Variants in PDE1B observed in about 807,000 individuals in gnomAD.
PDE1B encodes phosphodiesterase 1B.
PDE1B carries 13 observed loss-of-function variants against 66.7 expected under a neutral mutation model. The observed-to-expected ratio is 0.19, with a 90% CI of 0.13 to 0.31. PDE1B has a LOEUF of 0.31. Ranked by LOEUF, PDE1B falls within the 10% of genes least tolerant of loss-of-function variation. The probability of loss-of-function intolerance (pLI) is 1.00; values close to 1 mark genes in which losing one functional copy is unlikely to be tolerated. For synonymous variants in PDE1B, 230 were observed against 253.9 expected (o/e 0.91, Z 0.90); for missense variants, 485 against 682.3 (o/e 0.71, Z 3.22).
intron 2 of PDE1B, among the ~76,000 whole-genome samples, chr12:54,551,126 G>A (rs1277881292): frequency 1.3e-5 from 2 of 152,230 alleles, no homozygotes; most frequent in African/African-American, 4.8e-5. Context: ...GAGCACCGAA[G>A]CTTTCTATTT....
rs1555175896 is a variant in PDE1B at position 54,573,870 on chromosome 12, AGT to A, written c.1064+202_1064+203del. On this transcript the variant is annotated intron_variant, in intron 10 of 15. Coordinates refer to ENST00000243052, the MANE Select transcript of PDE1B (RefSeq NM_000924.4). This position sits in a 1 kb window ranked among gnomAD's most constrained non-coding sequence, Gnocchi z 5.2. ...GCATCTCTATGTGAGAGAGAGAGAG[AGT>A]GTGTGTGTGTGTGTGTGTGTGTGTG... The A allele has an allele frequency of 0.23, 107,025 of 471,484 alleles. 6,079 individuals are homozygous for A. Among genetic ancestry groups the A allele is most frequent in the Middle Eastern group, 0.25 (432 of 1,758 alleles). The allele number at this position is 471,484 out of a possible 1,614,324, so 29.2% of individuals were successfully genotyped here.
chr12:54,574,355 C>T (rs1336489253), intron 10 of PDE1B: 2 of 153,420 alleles, frequency 1.3e-5, no homozygotes, highest in Non-Finnish European at 1.4e-5. Context: ...TATTACTATT[C>T]TAGATAATAT....
rs1957558581 is a variant in PDE1B at position 54,568,574 on chromosome 12, G to A, written c.228-610G>A. On this transcript the variant is annotated intron_variant, in intron 3 of 15. Coordinates refer to ENST00000243052, the MANE Select transcript of PDE1B (RefSeq NM_000924.4). ...AAAATAAAATTTATTGCCGGGCACG[G>A]TGGCTCACGCCTATAATCCCAGCAC... 2.0e-5 allele frequency among the ~76,000 whole-genome samples: 3 copies of A among 151,402 alleles called. No individual in the cohort carries two copies. The South Asian group carries it at 6.3e-4, about 32-fold the overall frequency.
chr12:54,575,937 C>A lies in PDE1B; in HGVS notation c.1268-55C>A. ...CTGGCCATGCCAGCTGCATGCTCTG[C>A]CTAGCCCTCCAGATAATAGTAAGAC... On this transcript the variant is annotated intron_variant, in intron 12 of 15. Coordinates refer to ENST00000243052, the MANE Select transcript of PDE1B (RefSeq NM_000924.4). The surrounding 1 kb of genome is among the most constrained non-coding windows in gnomAD (Gnocchi z 4.0). The A allele has an allele frequency of 1.6e-6, 2 of 1,281,482 alleles. No homozygotes were observed. The highest frequency in any genetic ancestry group is 2.3e-6 in the Non-Finnish European group (2 of 877,848). 79.4% of individuals were successfully genotyped at this position (1,281,482 alleles called of 1,614,324 possible). A position where few individuals can be genotyped will look rare whatever the true frequency, so the allele number is the denominator to read the frequency against.
chr12:54,551,191 G>A (rs942276404), intron 2 of PDE1B, among the ~76,000 whole-genome samples: 17 of 152,234 alleles, frequency 1.1e-4, no homozygotes, highest in South Asian at 4.1e-4. Flanking sequence ...TGCTTATGTT[G>A]TATTGTTCTT....
intron 2 of PDE1B, among the ~76,000 whole-genome samples, chr12:54,553,580 T>A (rs1044788132): frequency 1.3e-5 from 2 of 152,174 alleles, no homozygotes; most frequent in African/African-American, 4.8e-5. Flanking sequence ...TGCTGTTAAA[T>A]AAAGGAATGA....
intron 2 of PDE1B, among the ~76,000 whole-genome samples, chr12:54,566,574 T>C (rs1957519886): frequency 6.6e-6 from 1 of 152,160 alleles, no homozygotes; most frequent in African/African-American, 2.4e-5. Flanking sequence ...ATGGGGGAAA[T>C]AAGCAGTTTC....
Position 54,567,099 on chromosome 12 carries a change from C to A in PDE1B, c.227+12C>A. On this transcript the variant is annotated intron_variant, in intron 3 of 15. Coordinates refer to ENST00000243052, the MANE Select transcript of PDE1B (RefSeq NM_000924.4). ...ATAGATGAGACACGGTGAGAGAGAC[C>A]GACAGACAGAGAAGGAGAAAGATGT... The A allele has an allele frequency of 7.4e-7, 1 of 1,351,008 alleles. No individual in the cohort carries two copies. Among genetic ancestry groups the A allele is most frequent in the South Asian group, 1.2e-5 (1 of 82,802 alleles). 83.7% of individuals were successfully genotyped at this position (1,351,008 alleles called of 1,614,324 possible).
At chr12:54,555,868 C>A (rs541013791) in intron 2 of PDE1B, among the ~76,000 whole-genome samples, 1 of 152,140 alleles carries the variant, frequency 6.6e-6, no homozygotes, top group Non-Finnish European at 1.5e-5. Flanking sequence ...TTGACTTACC[C>A]TTTCGCTCTT....
intron 6 of PDE1B, chr12:54,570,585 T>G: frequency 1.9e-6 from 1 of 522,134 alleles, no homozygotes; most frequent in Non-Finnish European, 3.5e-6. Context: ...TGCAACCATC[T>G]AGCCTGGGAT....
chr12:54,561,829 T>C lies in PDE1B; in HGVS notation c.114-5145T>C, dbSNP rs374625063. Among the ~76,000 whole-genome samples, 10 of 151,928 alleles carry C rather than the reference T, an allele frequency of 6.6e-5. No individual in the cohort carries two copies. In the South Asian group the frequency reaches 1.9e-3, roughly 28 times the overall value. ...ACTCTGTCCATCTTGCCCTTTACCT[T>C]ATTCTCCTCCCATTTCCATCCCCCC... On this transcript the variant is annotated intron_variant, in intron 2 of 15. Transcript: ENST00000243052.
At chr12:54,570,159 T>A (rs1470812409) in intron 5 of PDE1B, 82 bp from the exon 6 acceptor site, 1 of 805,980 alleles carries the variant, frequency 1.2e-6, no homozygotes, top group African/African-American at 1.7e-5. Context: ...CAAGACTTTG[T>A]ACTCATGGGA....
At chr12:54,561,599 TC>T (rs1957412873) in intron 2 of PDE1B, 1 of 1,533,288 alleles carries the variant, frequency 6.5e-7, no homozygotes, top group Admixed American at 2.0e-5. Flanking sequence ...CAAACCCTGT[TC>T]CTGTTCAGAG....
intron 14 of PDE1B, 104 bp downstream of exon 14, chr12:54,576,805 C>T: frequency 3.1e-6 from 4 of 1,273,886 alleles, no homozygotes; most frequent in Non-Finnish European, 3.3e-6. Flanking sequence ...CTTTGCCGGA[C>T]TCCTTGATTT....
intron 5 of PDE1B, 126 bp from the exon 6 acceptor site, chr12:54,570,115 G>A: frequency 1.5e-6 from 1 of 669,336 alleles, no homozygotes; most frequent in African/African-American, 1.8e-5. Context: ...GAAGAAAGAG[G>A]CACACTTTAC....
At chr12:54,576,513 G>A (rs928246068) in intron 13 of PDE1B, 58 bp from the exon 14 acceptor site, 6 of 1,608,010 alleles carry the variant, frequency 3.7e-6, no homozygotes, top group African/African-American at 1.3e-5. Flanking sequence ...CAGGGCTAAG[G>A]TGGTTCTGGA....
At chr12:54,561,151 C>G (rs182940949) in intron 2 of PDE1B, among the ~76,000 whole-genome samples, 1 of 152,218 alleles carries the variant, frequency 6.6e-6, no homozygotes, top group African/African-American at 2.4e-5. Context: ...GGGCCCCTTC[C>G]CCTCCCGCTA....
intron 2 of PDE1B, among the ~76,000 whole-genome samples, chr12:54,562,864 G>C (rs1237026594): frequency 6.6e-6 from 1 of 152,076 alleles, no homozygotes; most frequent in Admixed American, 6.5e-5. Flanking sequence ...GCCTCCTTCT[G>C]GTGTCTGGAT....
At position 54,573,992 on chromosome 12, in the gene PDE1B, C is replaced by T. The variant is rs559836228; in HGVS notation, c.1064+283C>T. On this transcript the variant is annotated intron_variant, in intron 10 of 15. Transcript: ENST00000243052. This position sits in a 1 kb window ranked among gnomAD's most constrained non-coding sequence, Gnocchi z 5.2. Reference sequence around the variant, plus strand: ...GGGAATCTAAGATGGGGGTTCTCATCGTAGCTCTGGGACAGGCTTACTCTG... The same window carrying T: ...GGGAATCTAAGATGGGGGTTCTCATTGTAGCTCTGGGACAGGCTTACTCTG... The T allele has an allele frequency of 1.0e-3, 464 of 447,826 alleles. No individual in the cohort carries two copies. The highest frequency in any genetic ancestry group is 1.5e-3 in the Non-Finnish European group (374 of 247,200). The allele number at this position is 447,826 out of a possible 1,614,324, so 27.7% of individuals were successfully genotyped here.
Sources: gnomAD v4.1 joint callset for allele counts (sites outside exome capture counted in the v4.1 genomes callset) on GRCh38, gnomAD v4.1.1 for gene constraint, Gnocchi (gnomAD v3.1) non-coding constraint, MANE v1.5 for transcripts, NCBI Gene and HGNC (gene_info 2026-07-23, HGNC 2026-07-21) for gene names.